FDFT1: variants seen among roughly 807,000 people sequenced by gnomAD.
The protein encoded by FDFT1 is squalene synthase.
In FDFT1, 68 loss-of-function variants were observed where a neutral mutation model predicts 46.8. The observed-to-expected ratio is 1.45, with a 90% CI of 1.19 to 1.78. The LOEUF (loss-of-function observed/expected upper bound fraction) is 1.78. Among genes scored for constraint, FDFT1 ranks in the 40% most tolerant of loss-of-function variants. The probability of loss-of-function intolerance (pLI) is 0.00; values close to 1 mark genes in which losing one functional copy is unlikely to be tolerated. For synonymous variants in FDFT1, 351 were observed against 185.1 expected, an observed-to-expected ratio of 1.90 and a Z score of -7.28; for missense variants, 928 against 524.4, an observed-to-expected ratio of 1.77 and a Z score of -7.52.
chr8:11,829,833 T>TG (rs1179321507), intron 5 of FDFT1, among the ~76,000 whole-genome samples: 2 of 142,416 alleles, frequency 1.4e-5, no homozygotes, highest in South Asian at 2.2e-4. Context: ...TATATCATAG[T>TG]GTTTTTTTTT....
At chr8:11,809,377 T>G in intron 2 of FDFT1, 2 of 1,152,206 alleles carry the variant, frequency 1.7e-6, no homozygotes, top group Non-Finnish European at 2.1e-6. Context: ...TCTAAACGTT[T>G]GGTCTTCTGG....
At chr8:11,802,410 C>G (rs544060324), upstream of FDFT1, 6 of 457,534 alleles carry the variant, frequency 1.3e-5, no homozygotes, top group East Asian at 6.9e-5. Context: ...TCCTAAGCCC[C>G]ACCGCCTCAC....
chr8:11,809,627 T>G, intron 2 of FDFT1, 40 bp from the exon 3 acceptor site: 2 of 1,529,588 alleles, frequency 1.3e-6, no homozygotes, highest in South Asian at 2.5e-5. Flanking sequence ...AATCTTTGGC[T>G]GTTTGTTCCA....
At chr8:11,828,168 G>A (rs950778960) in intron 5 of FDFT1, among the ~76,000 whole-genome samples, 2 of 152,042 alleles carry the variant, frequency 1.3e-5, no homozygotes, top group Non-Finnish European at 2.9e-5. Flanking sequence ...CACCCCTATA[G>A]TTCTCGCTCC....
At chr8:11,801,378 A>G (rs1806102743), upstream of FDFT1, among the ~76,000 whole-genome samples, 1 of 152,126 alleles carries the variant, frequency 6.6e-6, no homozygotes, top group Admixed American at 6.5e-5. Context: ...GGAGTGCAAT[A>G]GCGCGATCTC....
In FDFT1 at chr8:11,809,655, C is replaced by A; in HGVS notation, c.198-12C>A. On this transcript the variant is annotated splice_polypyrimidine_tract_variant and intron_variant, in intron 2 of 7. Transcript: ENST00000220584. ...TTGTTCCAATATATTAATAGTTTTC[C>A]CTTTTTTACAGCAACGCAGTGTGCA... The A allele has an allele frequency of 6.3e-7, 1 of 1,579,616 alleles. No individual in the cohort carries two copies.
At chr8:11,827,691 T>C (rs1235120495) in intron 5 of FDFT1, among the ~76,000 whole-genome samples, 2 of 152,160 alleles carry the variant, frequency 1.3e-5, no homozygotes, top group Non-Finnish European at 2.9e-5. Flanking sequence ...GACACACAGA[T>C]GATTATTAAA....
intron 1 of FDFT1, among the ~76,000 whole-genome samples, chr8:11,805,962 A>G (rs1806774889): frequency 6.6e-6 from 1 of 152,212 alleles, no homozygotes; most frequent in African/African-American, 2.4e-5. Flanking sequence ...TAAGTGCTTG[A>G]TAAATGGTGG....
At chr8:11,816,926 A>G (rs1001096431) in intron 3 of FDFT1, among the ~76,000 whole-genome samples, 2 of 152,216 alleles carry the variant, frequency 1.3e-5, no homozygotes, top group East Asian at 3.9e-4. Flanking sequence ...TGGTGAGAGG[A>G]CGGCATCCTT....
chr8:11,828,566 G>A (rs1386600380), intron 5 of FDFT1, among the ~76,000 whole-genome samples: 1 of 152,204 alleles, frequency 6.6e-6, no homozygotes, highest in African/African-American at 2.4e-5. Context: ...CATCAGCCAC[G>A]GGCATGTGAT....
chr8:11,809,826 C>T lies in FDFT1; in HGVS notation c.357C>T (p.Arg119=). ...TCATGGAGAGCAAGGAGAAGGATCG[C>T]CAGGTGCTGGAGGACTTCCCAACGG... is the stretch of plus-strand genomic sequence containing the variant. ...WRFMESKEKD[R]QVLEDFPTIS... Residue 119 remains arginine (R), a synonymous_variant, in exon 3 of 8, where the codon CGC becomes CGT. Coordinates refer to ENST00000220584, the MANE Select transcript of FDFT1 (RefSeq NM_004462.5). 1.2e-6 allele frequency: 2 copies of T among 1,613,700 alleles called. No homozygotes were observed. Among genetic ancestry groups the T allele is most frequent in the African/African-American group, 1.3e-5 (1 of 75,008 alleles).
chr8:11,826,667 T>C (rs1191704632), intron 5 of FDFT1, among the ~76,000 whole-genome samples: 1 of 151,988 alleles, frequency 6.6e-6, no homozygotes, highest in African/African-American at 2.4e-5. Flanking sequence ...ATACAAAAAT[T>C]AGCCGGGCGT....
At chr8:11,813,213 C>T (rs1429404191) in intron 3 of FDFT1, among the ~76,000 whole-genome samples, 1 of 152,154 alleles carries the variant, frequency 6.6e-6, no homozygotes, top group Non-Finnish European at 1.5e-5. Flanking sequence ...CATCATTATA[C>T]AGTACATGAG....
At chr8:11,798,392 C>A (rs950268023), upstream of FDFT1, among the ~76,000 whole-genome samples, 94 of 152,078 alleles carry the variant, frequency 6.2e-4, no homozygotes, top group African/African-American at 2.2e-3. Context: ...ACTCTACCTG[C>A]CATATGGGAA....
At chr8:11,805,488 T>C (rs1253587981) in intron 1 of FDFT1, among the ~76,000 whole-genome samples, 1 of 152,226 alleles carries the variant, frequency 6.6e-6, no homozygotes, top group Non-Finnish European at 1.5e-5. Context: ...TTTAGACTAA[T>C]ATCTTAAGTC....
chr8:11,815,382 C>A (rs1281190407), intron 3 of FDFT1, among the ~76,000 whole-genome samples: 1 of 152,102 alleles, frequency 6.6e-6, no homozygotes, highest in Non-Finnish European at 1.5e-5. Context: ...TGGGTATATG[C>A]CCAGTAATGG....
At chr8:11,831,958 C>T (rs1810863166) in intron 7 of FDFT1, among the ~76,000 whole-genome samples, 1 of 152,158 alleles carries the variant, frequency 6.6e-6, no homozygotes, top group African/African-American at 2.4e-5. Flanking sequence ...ATGCAGGAGG[C>T]CAACCAAGCT....
chr8:11,811,901 T>TA (rs1807765891), intron 3 of FDFT1, among the ~76,000 whole-genome samples: 2 of 152,232 alleles, frequency 1.3e-5, no homozygotes, highest in South Asian at 4.1e-4. Flanking sequence ...TGGGACTGTA[T>TA]GGGAATTAAC....
chr8:11,799,367 C>T (rs1400964859), upstream of FDFT1, among the ~76,000 whole-genome samples: 3 of 152,188 alleles, frequency 2.0e-5, no homozygotes, highest in East Asian at 5.8e-4. Flanking sequence ...TATCTCAAGG[C>T]CAGCGTTTAG....
Sources: gnomAD v4.1 joint callset for allele counts (sites outside exome capture counted in the v4.1 genomes callset) on GRCh38, gnomAD v4.1.1 for gene constraint, MANE v1.5 for transcripts, NCBI Gene and HGNC (gene_info 2026-07-23, HGNC 2026-07-21) for gene names.